Variants in RFPL1 observed in about 807,000 individuals in gnomAD.
RFPL1 encodes ret finger protein-like 1.
In RFPL1, 6 loss-of-function variants were observed where a neutral mutation model predicts 9.6. That is an observed-to-expected ratio of 0.62 (90% CI 0.34 to 1.23). The LOEUF is 1.23. Ranked by LOEUF, RFPL1 falls within the 50% of genes most tolerant of loss-of-function variation. RFPL1 has a pLI of 0.03. For synonymous variants in RFPL1, 145 were observed against 149.4 expected (o/e 0.97, Z 0.22); for missense variants, 352 against 398.4 (o/e 0.88, Z 0.99).
the RFPL1 span, among the ~76,000 whole-genome samples, chr22:29,418,416 T>C: frequency 5.3e-5 from 8 of 152,000 alleles, no homozygotes; most frequent in Admixed American, 5.2e-4. Flanking sequence ...CACCACACAG[T>C]GTTTGTTTAA....
chr22:29,425,189 G>A, the RFPL1 span, among the ~76,000 whole-genome samples: 2 of 139,654 alleles, frequency 1.4e-5, no homozygotes, highest in African/African-American at 5.5e-5. Context: ...GGGCGACGGA[G>A]CGAGACTCCG....
the RFPL1 span, chr22:29,423,038 A>T: frequency 1.1e-6 from 1 of 951,564 alleles, no homozygotes; most frequent in Non-Finnish European, 1.7e-6. Flanking sequence ...CTTCATTCCC[A>T]CCCCTACTCC....
the RFPL1 span, among the ~76,000 whole-genome samples, chr22:29,388,178 C>T: frequency 6.6e-6 from 1 of 152,254 alleles, no homozygotes; most frequent in Admixed American, 6.5e-5. Context: ...AGTCCTGTCT[C>T]TCCGGGCGGA....
the RFPL1 span, among the ~76,000 whole-genome samples, chr22:29,406,150 A>G: frequency 2.9e-5 from 4 of 135,786 alleles, no homozygotes; most frequent in South Asian, 2.5e-4. Context: ...AAAAAAATAA[A>G]AAAAAAGAAA....
the RFPL1 span, among the ~76,000 whole-genome samples, chr22:29,403,409 A>G: frequency 1.3e-5 from 2 of 152,162 alleles, no homozygotes; most frequent in Non-Finnish European, 2.9e-5. Flanking sequence ...TGAGATGGGA[A>G]ACCACTGGAG....
chr22:29,426,254 T>C, the RFPL1 span, among the ~76,000 whole-genome samples: 1 of 151,284 alleles, frequency 6.6e-6, no homozygotes, highest in African/African-American at 2.4e-5. Flanking sequence ...ATCCGGGAGA[T>C]GAGGGTTACG....
the RFPL1 span, among the ~76,000 whole-genome samples, chr22:29,410,717 A>G: frequency 6.7e-6 from 1 of 148,158 alleles, no homozygotes; most frequent in South Asian, 2.1e-4. Flanking sequence ...ACATGGCACA[A>G]TCTCGGCTCA....
At chr22:29,422,619 T>C in the RFPL1 span, among the ~76,000 whole-genome samples, 3 of 151,908 alleles carry the variant, frequency 2.0e-5, no homozygotes, top group African/African-American at 7.3e-5. Context: ...GGCGGGCACA[T>C]GTAATCCCAG....
chr22:29,432,898 T>C, the RFPL1 span: 3 of 152,234 alleles, frequency 2.0e-5, no homozygotes, highest in Non-Finnish European at 4.4e-5. Context: ...TGTCATTCAG[T>C]TAATTGAACT....
At chr22:29,439,293 A>C in intron 1 of RFPL1, 129 bp downstream of exon 1, 3 of 1,318,958 alleles carry the variant, frequency 2.3e-6, no homozygotes, top group South Asian at 1.4e-5. Flanking sequence ...CTTCTTCATC[A>C]TCAGATTCTC....
chr22:29,393,479 G>C, the RFPL1 span, among the ~76,000 whole-genome samples: 11 of 152,180 alleles, frequency 7.2e-5, no homozygotes, highest in Admixed American at 7.2e-4. Flanking sequence ...GCATCTAAGG[G>C]AACTTCCCTC....
the RFPL1 span, among the ~76,000 whole-genome samples, chr22:29,420,616 A>C: frequency 1.1e-4 from 13 of 120,388 alleles, no homozygotes; most frequent in South Asian, 5.5e-4. Flanking sequence ...GGCATGAGCC[A>C]CTGCAGATGG....
chr22:29,396,930 G>A, the RFPL1 span, among the ~76,000 whole-genome samples: 5 of 118,796 alleles, frequency 4.2e-5, no homozygotes, highest in Admixed American at 1.0e-4. Context: ...TTTTTGAGAC[G>A]GAGTCTCGCT....
upstream of RFPL1, chr22:29,437,679 C>T (rs1406775741): frequency 4.4e-6 from 7 of 1,587,968 alleles, no homozygotes; most frequent in East Asian, 1.6e-4. Context: ...CGCACAAGAC[C>T]TGAGCGCCCA....
the RFPL1 span, among the ~76,000 whole-genome samples, chr22:29,414,289 A>G: frequency 1.3e-5 from 2 of 151,976 alleles, no homozygotes; most frequent in Non-Finnish European, 2.9e-5. Context: ...ATGTCTGTGG[A>G]CTAGATTTTC....
intron 1 of RFPL1, 36 bp downstream of exon 1, chr22:29,439,200 C>T: frequency 6.3e-7 from 1 of 1,587,846 alleles, no homozygotes; most frequent in Non-Finnish European, 8.6e-7. Flanking sequence ...CTTCCTACGA[C>T]CAGACCAGGA....
At chr22:29,428,158 G>C in the RFPL1 span, among the ~76,000 whole-genome samples, 1 of 152,124 alleles carries the variant, frequency 6.6e-6, no homozygotes, top group Admixed American at 6.6e-5. Context: ...AAGAAACAGG[G>C]ATTCATTGCT....
At chr22:29,423,747 A>G in the RFPL1 span, among the ~76,000 whole-genome samples, 1 of 152,196 alleles carries the variant, frequency 6.6e-6, no homozygotes, top group Non-Finnish European at 1.5e-5. Context: ...GGCTAGGGAG[A>G]CTTCTCCCCA....
chr22:29,418,551 C>G, the RFPL1 span, among the ~76,000 whole-genome samples: 1 of 141,604 alleles, frequency 7.1e-6, no homozygotes, highest in African/African-American at 2.6e-5. Flanking sequence ...CTGGGCTGGA[C>G]TGCAGTGGCA....
Sources: allele counts gnomAD v4.1 joint callset (sites outside exome capture counted in the v4.1 genomes callset), GRCh38; gene constraint gnomAD v4.1.1; transcripts MANE v1.5; gene names NCBI Gene and HGNC (gene_info 2026-07-23, HGNC 2026-07-21).